Variants in AP5M1 observed in about 807,000 individuals in gnomAD.
The protein encoded by AP5M1 is AP-5 complex subunit mu-1.
Under a neutral mutation model 52.3 loss-of-function variants are expected in AP5M1, and 44 were observed. The observed-to-expected ratio is 0.84, with a 90% CI of 0.66 to 1.08. The LOEUF (loss-of-function observed/expected upper bound fraction) is 1.08, where lower values mean the gene tolerates loss of function less well. Among genes scored for constraint, AP5M1 ranks in the 50% least tolerant of loss-of-function variants. The pLI, the probability that AP5M1 is intolerant of heterozygous loss-of-function variation, is 0.00. For synonymous variants in AP5M1, 213 were observed against 199.0 expected, an observed-to-expected ratio of 1.07 and a Z score of -0.59; for missense variants, 526 against 568.4, an observed-to-expected ratio of 0.93 and a Z score of 0.76.
chr14:57,271,963 A>G (rs1884905959), intron 1 of AP5M1, among the ~76,000 whole-genome samples: 1 of 152,210 alleles, frequency 6.6e-6, no homozygotes, highest in South Asian at 2.1e-4. Flanking sequence ...CCCCTCATAT[A>G]AATGTTGGTC....
Position 57,291,830 on chromosome 14 carries a change from T to C in AP5M1, c.*2946T>C, listed in dbSNP as rs1275258426. On this transcript the variant is annotated 3_prime_UTR_variant, in exon 8 of 8. Coordinates refer to ENST00000261558, the MANE Select transcript of AP5M1 (RefSeq NM_018229.4). ...TTTCAAAATACTTCGTAGACATTGA[T>C]AGACTCCTACACTACCCCTGGGAGC... is the stretch of plus-strand genomic sequence containing the variant. The C allele has an allele frequency of 2.6e-5, 4 of 151,844 alleles. No homozygotes were observed. The East Asian group carries it at 7.7e-4, about 29-fold the overall frequency. 9.4% of individuals were successfully genotyped at this position (151,844 alleles called of 1,614,324 possible).
intron 4 of AP5M1, 39 bp downstream of exon 4, chr14:57,282,267 C>G (rs1885200160): frequency 2.8e-6 from 4 of 1,432,706 alleles, no homozygotes; most frequent in Non-Finnish European, 3.7e-6. Flanking sequence ...TTCTGTCTTC[C>G]TTAATACATT....
chr14:57,273,358 G>C (rs1884940459), intron 1 of AP5M1, among the ~76,000 whole-genome samples: 1 of 152,114 alleles, frequency 6.6e-6, no homozygotes, highest in African/African-American at 2.4e-5. Context: ...CTGCTGATTT[G>C]TTGCCACCCC....
intron 6 of AP5M1, among the ~76,000 whole-genome samples, chr14:57,284,716 C>T (rs763599868): frequency 1.4e-4 from 22 of 152,010 alleles, no homozygotes; most frequent in Non-Finnish European, 2.1e-4. Context: ...CCAAACTTGA[C>T]GCTTTTTAAG....
chr14:57,284,972 T>A (rs1885272997), intron 6 of AP5M1, among the ~76,000 whole-genome samples: 1 of 151,616 alleles, frequency 6.6e-6, no homozygotes, highest in Admixed American at 6.6e-5. Flanking sequence ...GTATACAGGA[T>A]TTAGGAATTA....
rs1185560046 is a variant in AP5M1 at position 57,293,771 on chromosome 14, C to A, written c.*4887C>A. The stretch of plus-strand genomic sequence containing the variant: ...GTATATGAATTTACGTAAATGTGTA[C>A]AACACTAGTGTGTCTGACTTGGTGG... On this transcript the variant is annotated 3_prime_UTR_variant, in exon 8 of 8. Transcript: ENST00000261558. The A allele has an allele frequency of 6.6e-6, 1 of 151,492 alleles. No homozygotes were observed. The highest frequency in any genetic ancestry group is 1.5e-5 in the Non-Finnish European group (1 of 67,704). The allele number at this position is 151,492 out of a possible 1,614,324, so 9.4% of individuals were successfully genotyped here.
intron 1 of AP5M1, 22 bp downstream of exon 1, chr14:57,269,410 CAG>C: frequency 6.2e-7 from 1 of 1,611,950 alleles, no homozygotes; most frequent in African/African-American, 1.3e-5. Context: ...TCTGAATCCT[CAG>C]GGATGATGGA....
At chr14:57,274,156 G>A in intron 1 of AP5M1, 88 bp from the exon 2 acceptor site, 1 of 1,372,554 alleles carries the variant, frequency 7.3e-7, no homozygotes, top group Non-Finnish European at 9.8e-7. Flanking sequence ...ATTACTGTTT[G>A]CCTTATATTT....
intron 7 of AP5M1, among the ~76,000 whole-genome samples, chr14:57,287,148 TAAAC>T (rs368247046): frequency 1.3e-4 from 20 of 152,234 alleles, no homozygotes; most frequent in African/African-American, 3.8e-4. Context: ...TATCTAAACT[TAAAC>T]AACCTTTTTG....
At chr14:57,278,450 A>G (rs974368917) in intron 2 of AP5M1, 1 of 152,214 alleles carries the variant, frequency 6.6e-6, no homozygotes, top group Non-Finnish European at 1.5e-5. Flanking sequence ...GAGCTCAAGG[A>G]CAGGTTTGAG....
At chr14:57,287,654 A>C (rs984711559) in intron 7 of AP5M1, among the ~76,000 whole-genome samples, 4 of 152,092 alleles carry the variant, frequency 2.6e-5, no homozygotes, top group African/African-American at 9.7e-5. Flanking sequence ...ATTATGACCC[A>C]TCTTTTCTTT....
chr14:57,280,186 G>A lies in AP5M1; in HGVS notation c.721-9G>A, dbSNP rs745324629. The A allele has an allele frequency of 4.4e-6, 7 of 1,596,820 alleles. No homozygotes were observed. The highest frequency in any genetic ancestry group is 5.2e-6 in the Non-Finnish European group (6 of 1,164,600). ...GATTTTGGTGATAATCTTTCTGTTT[G>A]CATTTCAGTGTGATTTGGAAGGAAT... On this transcript the variant is annotated splice_polypyrimidine_tract_variant and intron_variant, in intron 2 of 7. Coordinates refer to ENST00000261558, the MANE Select transcript of AP5M1 (RefSeq NM_018229.4).
chr14:57,270,633 A>G (rs942771932), intron 1 of AP5M1, among the ~76,000 whole-genome samples: 2 of 152,170 alleles, frequency 1.3e-5, no homozygotes, highest in African/African-American at 2.4e-5. Flanking sequence ...CAGGAGATTA[A>G]TAATATTCTT....
intron 1 of AP5M1, among the ~76,000 whole-genome samples, chr14:57,270,029 T>C (rs1884846027): frequency 6.6e-6 from 1 of 152,126 alleles, no homozygotes; most frequent in Non-Finnish European, 1.5e-5. Flanking sequence ...AGGATAGTCT[T>C]GATCTCCTGA....
In AP5M1 at chr14:57,280,202, T is replaced by A; in HGVS notation, c.728T>A (p.Leu243Ter). 1 of 1,611,932 alleles carries A rather than the reference T, an allele frequency of 6.2e-7. No individual in the cohort carries two copies. Among genetic ancestry groups the A allele is most frequent in the Non-Finnish European group, 8.5e-7 (1 of 1,178,030 alleles). Reference sequence around the variant, plus strand: ...TTTCTGTTTGCATTTCAGTGTGATTTGGAAGGAATCATGCCAAATGTTACC... The same window carrying A: ...TTTCTGTTTGCATTTCAGTGTGATTAGGAAGGAATCATGCCAAATGTTACC... Reference protein sequence around the residue: ...VVGTVTCKCDLEGIMPNVTIS... With the variant: ...VVGTVTCKCD The change falls in exon 3 of 8, where the codon TTG (leucine) becomes TAG (stop). Residue 243 changes from leucine (L) to a stop codon, truncating the protein, a stop_gained. Transcript: ENST00000261558. LOFTEE classifies it high-confidence loss of function.
At position 57,293,025 on chromosome 14, in the gene AP5M1, G is replaced by A. The variant is rs961628094; in HGVS notation, c.*4141G>A. 2 of 150,956 alleles carry A rather than the reference G, an allele frequency of 1.3e-5. No individual in the cohort carries two copies. Among genetic ancestry groups the A allele is most frequent in the Admixed American group, 6.6e-5 (1 of 15,110 alleles). The allele number at this position is 150,956 out of a possible 1,614,324, so 9.4% of individuals were successfully genotyped here. ...CCGAGTAATTAAATTTTTTCTGCCT[G>A]CCTTTTTCTCAGTTATCTGAGTACC... On this transcript the variant is annotated 3_prime_UTR_variant, in exon 8 of 8. Coordinates refer to ENST00000261558, the MANE Select transcript of AP5M1 (RefSeq NM_018229.4).
chr14:57,297,944 T>C lies in AP5M1; in HGVS notation c.*9060T>C, dbSNP rs1885586233. 1 of 152,186 alleles carries C rather than the reference T, an allele frequency of 6.6e-6. No homozygotes were observed. The highest frequency in any genetic ancestry group is 1.5e-5 in the Non-Finnish European group (1 of 68,046). 9.4% of individuals were successfully genotyped at this position (152,186 alleles called of 1,614,324 possible). ...TGAATTCTGCCCTGCGATTGCCATCTTTAGCACTTTTCAGAGAATTTGTTG... is the reference window on the plus strand; with the variant it reads ...TGAATTCTGCCCTGCGATTGCCATCCTTAGCACTTTTCAGAGAATTTGTTG... On this transcript the variant is annotated 3_prime_UTR_variant, in exon 8 of 8. Transcript: ENST00000261558.
rs1008244559 is a variant in AP5M1 at position 57,293,220 on chromosome 14, A to G, written c.*4336A>G. On this transcript the variant is annotated 3_prime_UTR_variant, in exon 8 of 8. Coordinates refer to ENST00000261558, the MANE Select transcript of AP5M1 (RefSeq NM_018229.4). ...ATGTCAAATCGGGATTTATTCCTCC[A>G]GTATATTTTAAGACCTTTAAAAAAA... 10 of 151,702 alleles carry G rather than the reference A, an allele frequency of 6.6e-5. No individual in the cohort carries two copies. The highest frequency in any genetic ancestry group is 2.4e-4 in the African/African-American group (10 of 41,370). The allele number at this position is 151,702 out of a possible 1,614,324, so 9.4% of individuals were successfully genotyped here.
rs1193686135 is a variant in AP5M1 at position 57,295,517 on chromosome 14, A to C, written c.*6633A>C. The C allele has an allele frequency of 6.6e-6, 1 of 151,962 alleles. No individual in the cohort carries two copies. The highest frequency in any genetic ancestry group is 1.5e-5 in the Non-Finnish European group (1 of 67,888). The allele number at this position is 151,962 out of a possible 1,614,324, so 9.4% of individuals were successfully genotyped here. On this transcript the variant is annotated 3_prime_UTR_variant, in exon 8 of 8. Coordinates refer to ENST00000261558, the MANE Select transcript of AP5M1 (RefSeq NM_018229.4). ...GAAGTGTTGAAAGAATATTTGTTGCATCTTCAAGCAACCTGCTGCTCTCCA... is the reference window on the plus strand; with the variant it reads ...GAAGTGTTGAAAGAATATTTGTTGCCTCTTCAAGCAACCTGCTGCTCTCCA...
Sources: allele counts gnomAD v4.1 joint callset (sites outside exome capture counted in the v4.1 genomes callset), GRCh38; gene constraint gnomAD v4.1.1; transcripts MANE v1.5; gene names NCBI Gene and HGNC (gene_info 2026-07-23, HGNC 2026-07-21).